KANSL1: variants seen among roughly 807,000 people sequenced by gnomAD.
KANSL1 encodes the protein MLL1/MLL complex subunit KANSL1.
In KANSL1, 22 loss-of-function variants were observed where a neutral mutation model predicts 103.6. The ratio of observed to expected loss-of-function variants is 0.21; its 90% confidence interval spans 0.15 to 0.30. KANSL1 has a LOEUF of 0.30. Among genes scored for constraint, KANSL1 ranks in the 10% least tolerant of loss-of-function variants. The pLI, the probability that KANSL1 is intolerant of heterozygous loss-of-function variation, is 1.00. For missense variants in KANSL1, 1,337 were observed against 1,399.8 expected (o/e 0.96, Z 0.72); for synonymous variants, 600 against 527.6 (o/e 1.14, Z -1.88).
chr17:46,076,560 A>C (rs1468963252), intron 4 of KANSL1, among the ~76,000 whole-genome samples: 1 of 132,452 alleles, frequency 7.5e-6, no homozygotes, highest in Non-Finnish European at 1.8e-5. Context: ...TACATACTTG[A>C]AAATCAATGT....
chr17:46,178,632 A>G lies in KANSL1; in HGVS notation c.-89-6400T>C, dbSNP rs115270536. Among the ~76,000 whole-genome samples the G allele has an allele frequency of 5.8e-3, 877 of 152,356 alleles. 10 individuals are homozygous for G. The highest frequency in any genetic ancestry group is 0.02 in the African/African-American group (821 of 41,584). ...CTATAAAAGGTTGGGCTAGATAATC[A>G]ATAGTTTCTCTCTCAGTTTCAAAGA... On this transcript the variant is annotated intron_variant, in intron 1 of 14. Transcript: ENST00000432791.
At chr17:46,082,308 C>G (rs1479882468) in intron 4 of KANSL1, 133 bp downstream of exon 4, 1 of 575,248 alleles carries the variant, frequency 1.7e-6, no homozygotes, top group African/African-American at 1.9e-5. Context: ...CTTAAAACAC[C>G]AAAAGTGATA....
chr17:46,210,357 T>C (rs1478243214), intron 1 of KANSL1, among the ~76,000 whole-genome samples: 2 of 151,348 alleles, frequency 1.3e-5, no homozygotes, highest in South Asian at 2.1e-4. Flanking sequence ...CCTGTAGTCA[T>C]AGCTACTCGG....
Position 46,034,353 on chromosome 17 carries a change from G to GTTAAA in KANSL1, c.2542-73_2542-69dup. On this transcript the variant is annotated intron_variant, in intron 10 of 14. Coordinates refer to ENST00000432791, the MANE Select transcript of KANSL1 (RefSeq NM_015443.4). The stretch of plus-strand genomic sequence containing the variant: ...CAGACATCAAATCATTCATCTAAGA[G>GTTAAA]TTAAAGCAGGATCACCAATAACCAA... The GTTAAA allele has an allele frequency of 1.9e-6, 3 of 1,561,842 alleles. No homozygotes were observed. The South Asian group carries it at 3.4e-5, about 18-fold the overall frequency.
chr17:46,082,629 G>C (rs1330815618), intron 3 of KANSL1, 87 bp from the exon 4 acceptor site: 2 of 685,328 alleles, frequency 2.9e-6, no homozygotes, highest in Non-Finnish European at 4.9e-6. Flanking sequence ...AAGGACTGTT[G>C]GTGTACTAGA....
Position 46,082,443 on chromosome 17 carries a change from A to G in KANSL1, c.1531T>C (p.Leu511=). Residue 511 remains leucine (L), a splice_region_variant and synonymous_variant, in exon 4 of 15, where the codon TTG becomes CTG. Transcript: ENST00000432791. ...EVKTDHGTDK[L]IESVSQPLEN... The stretch of plus-strand genomic sequence containing the variant: ...CCCTTTCTATCTTTTATACTTACCA[A>G]TTTATCAGTCCCATGATCTGTCTTC... 1 of 1,598,176 alleles carries G rather than the reference A, an allele frequency of 6.3e-7. No individual in the cohort carries two copies.
At chr17:46,050,401 A>C in intron 7 of KANSL1, 132 bp downstream of exon 7, 1 of 911,304 alleles carries the variant, frequency 1.1e-6, no homozygotes, top group Non-Finnish European at 1.6e-6. Context: ...CAAAATTCTA[A>C]GAGAAGACTT....
chr17:46,220,815 T>C (rs1487989845), intron 1 of KANSL1, among the ~76,000 whole-genome samples: 1 of 152,186 alleles, frequency 6.6e-6, no homozygotes, highest in African/African-American at 2.4e-5. Context: ...GCCTCCCAAG[T>C]AGCTGGGATT....
chr17:46,129,236 C>A (rs2043726608), intron 2 of KANSL1, among the ~76,000 whole-genome samples: 1 of 152,146 alleles, frequency 6.6e-6, no homozygotes, highest in African/African-American at 2.4e-5. Context: ...CTGCTTCTTT[C>A]CCTACAGAAT....
chr17:46,097,346 A>G (rs2042130134), intron 2 of KANSL1, among the ~76,000 whole-genome samples: 1 of 152,264 alleles, frequency 6.6e-6, no homozygotes, highest in Non-Finnish European at 1.5e-5. Context: ...TACTGTATGT[A>G]TCAACATGAC....
At chr17:46,151,707 G>C (rs77829802) in intron 2 of KANSL1, among the ~76,000 whole-genome samples, 2 of 152,124 alleles carry the variant, frequency 1.3e-5, no homozygotes, top group Non-Finnish European at 2.9e-5. Context: ...TGTGAGTGAC[G>C]AGGAATATTC....
chr17:46,111,138 G>T (rs923821627), intron 2 of KANSL1, among the ~76,000 whole-genome samples: 4 of 152,232 alleles, frequency 2.6e-5, no homozygotes, highest in Non-Finnish European at 5.9e-5. Context: ...GAAGGGCATA[G>T]AATATGTGAT....
Position 46,067,653 on chromosome 17 carries a change from A to C in KANSL1, c.1548T>G (p.Ser516=). ...GGGCACCATGGTTTTCCAATGGCTGAGAAACAGACTCAATCTGATTAAGAA... is the reference window on the plus strand; with the variant it reads ...GGGCACCATGGTTTTCCAATGGCTGCGAAACAGACTCAATCTGATTAAGAA... ...HGTDKLIESV[S]QPLENHGAPI... is the part of the protein sequence containing the mutation. The change falls in exon 5 of 15, where the codon TCT becomes TCG. Residue 516 remains serine, a synonymous_variant. Transcript: ENST00000432791. The C allele has an allele frequency of 6.5e-7, 1 of 1,547,950 alleles. No individual in the cohort carries two copies. The highest frequency in any genetic ancestry group is 1.1e-5 in the South Asian group (1 of 89,748).
chr17:46,161,344 G>A (rs935925602), intron 2 of KANSL1, among the ~76,000 whole-genome samples: 3 of 151,900 alleles, frequency 2.0e-5, no homozygotes, highest in Non-Finnish European at 2.9e-5. Flanking sequence ...GCTGAGGCAG[G>A]AGAATGGCGT....
At chr17:46,141,992 G>A (rs1010717146) in intron 2 of KANSL1, among the ~76,000 whole-genome samples, 3 of 152,190 alleles carry the variant, frequency 2.0e-5, no homozygotes, top group East Asian at 3.9e-4. Flanking sequence ...AGGTTCAAGC[G>A]ATTCTCCAGC....
upstream of KANSL1, among the ~76,000 whole-genome samples, chr17:46,225,143 C>T (rs1420228932): frequency 6.6e-6 from 1 of 151,984 alleles, no homozygotes; most frequent in African/African-American, 2.4e-5. Context: ...GTCCCCTCTC[C>T]CCCAGCCCCG....
rs540856693 is a variant in KANSL1 at position 46,064,972 on chromosome 17, G to GT, written c.1848+1564dup. On this transcript the variant is annotated intron_variant, in intron 6 of 14. Coordinates refer to ENST00000432791, the MANE Select transcript of KANSL1 (RefSeq NM_015443.4). ...ATGTATACGTGTGTTTTTTTTGTTT[G>GT]TTTTTTTGTTTTTTTAAAAGACAGA... Among the ~76,000 whole-genome samples, 649 of 151,402 alleles carry GT rather than the reference G, an allele frequency of 4.3e-3. 4 individuals carry two copies. The highest frequency in any genetic ancestry group is 6.8e-3 in the Non-Finnish European group (458 of 67,846).
intron 2 of KANSL1, among the ~76,000 whole-genome samples, chr17:46,149,783 G>A (rs1453406142): frequency 1.3e-5 from 2 of 151,984 alleles, no homozygotes; most frequent in South Asian, 2.1e-4. Context: ...CATGGCGGGT[G>A]GATCACGAGG....
At chr17:46,101,754 CAAAAAAAAAAAAAA>C (rs372439614) in intron 2 of KANSL1, among the ~76,000 whole-genome samples, 1 of 93,682 alleles carries the variant, frequency 1.1e-5, no homozygotes, top group South Asian at 3.4e-4. Flanking sequence ...ACTCTGTCTA[CAAAAAAAAAAAAAA>C]AAAAAAAAAA....
Sources: gnomAD v4.1 joint callset for allele counts (sites outside exome capture counted in the v4.1 genomes callset) on GRCh38, gnomAD v4.1.1 for gene constraint, MANE v1.5 for transcripts, NCBI Gene and HGNC (gene_info 2026-07-23, HGNC 2026-07-21) for gene names.